The following RABL3 variants were observed in gnomAD, a reference collection of about 807,000 sequenced individuals.
RABL3 encodes rab-like protein 3.
A neutral mutation model predicts 31.8 loss-of-function variants in RABL3; 31 were observed. The observed-to-expected ratio is 0.97, with a 90% confidence interval of 0.73 to 1.31. RABL3 has a LOEUF of 1.31. Ranked by LOEUF, RABL3 falls within the 40% of genes most tolerant of loss-of-function variation. The pLI, the probability that RABL3 is intolerant of heterozygous loss-of-function variation, is 0.00. For missense variants in RABL3, 263 were observed against 279.6 expected, an observed-to-expected ratio of 0.94 and a Z score of 0.42; for synonymous variants, 97 against 99.9, an observed-to-expected ratio of 0.97 and a Z score of 0.18.
intron 2 of RABL3, among the ~76,000 whole-genome samples, chr3:120,730,317 G>T (rs1197754904): frequency 6.6e-6 from 1 of 152,150 alleles, no homozygotes; most frequent in Non-Finnish European, 1.5e-5. Context: ...GAAGCTCCAG[G>T]AGCTTTTGCC....
At chr3:120,703,828 T>G (rs1314612295) in intron 4 of RABL3, among the ~76,000 whole-genome samples, 2 of 152,140 alleles carry the variant, frequency 1.3e-5, no homozygotes, top group Non-Finnish European at 2.9e-5. Flanking sequence ...TGGAATTCCT[T>G]GAAAATCACA....
chr3:120,691,111 G>A (rs1708375224), intron 6 of RABL3, among the ~76,000 whole-genome samples: 1 of 152,126 alleles, frequency 6.6e-6, no homozygotes, highest in Non-Finnish European at 1.5e-5. Context: ...AGCAGCAGAT[G>A]TATCTGCACA....
intron 2 of RABL3, chr3:120,722,744 A>C (rs1055372878): frequency 9.2e-5 from 14 of 152,238 alleles, no homozygotes; most frequent in African/African-American, 3.4e-4. Flanking sequence ...GTTCTTTGAA[A>C]CCAACGAGAA....
At chr3:120,714,853 T>C (rs1397734751) in intron 2 of RABL3, among the ~76,000 whole-genome samples, 4 of 152,216 alleles carry the variant, frequency 2.6e-5, no homozygotes, top group African/African-American at 9.6e-5. Context: ...TGACCCCTCT[T>C]TTCCCATCAA....
intron 1 of RABL3, among the ~76,000 whole-genome samples, chr3:120,732,171 AACAATAAAACAACATAAGCGTCTG>A (rs1344651279): frequency 2.0e-5 from 3 of 152,252 alleles, no homozygotes; most frequent in Non-Finnish European, 2.9e-5. Flanking sequence ...TATACTTAAA[AACAATAAAACAACATAAGCGTCTG>A]CTTCCATAGC....
At chr3:120,700,848 C>G (rs1708484542) in intron 4 of RABL3, among the ~76,000 whole-genome samples, 1 of 151,888 alleles carries the variant, frequency 6.6e-6, no homozygotes, top group East Asian at 1.9e-4. Context: ...GTTCATTTTC[C>G]ATTCTTTGTA....
intron 1 of RABL3, among the ~76,000 whole-genome samples, chr3:120,738,292 C>T (rs934971877): frequency 3.3e-5 from 5 of 152,228 alleles, no homozygotes; most frequent in Non-Finnish European, 5.9e-5. Context: ...GGTGTGGCAC[C>T]CTCTGAGCCA....
intron 2 of RABL3, among the ~76,000 whole-genome samples, chr3:120,720,714 C>A (rs367622283): frequency 1.3e-5 from 2 of 152,188 alleles, no homozygotes; most frequent in Non-Finnish European, 2.9e-5. Flanking sequence ...TCTGACTGGT[C>A]TACCTGAAAG....
chr3:120,711,919 C>T (rs1708617017), intron 2 of RABL3, among the ~76,000 whole-genome samples: 1 of 152,092 alleles, frequency 6.6e-6, no homozygotes. Flanking sequence ...GATTCTACTC[C>T]TTGATTGCCA....
chr3:120,721,955 G>C (rs1274871545), intron 2 of RABL3: 1 of 152,120 alleles, frequency 6.6e-6, no homozygotes, highest in African/African-American at 2.4e-5. Flanking sequence ...AAATGTAAAA[G>C]AACAGAAATT....
In RABL3 at chr3:120,709,842, C is replaced by A; in HGVS notation, c.206G>T (p.Gly69Val). The A allele has an allele frequency of 6.2e-7, 1 of 1,611,612 alleles. No homozygotes were observed. Among genetic ancestry groups the A allele is most frequent in the South Asian group, 1.1e-5 (1 of 91,012 alleles). The change falls in exon 3 of 8, where the codon GGC (glycine) becomes GTC (valine). Residue 69 changes from glycine (G) to valine (V), a missense_variant. Physicochemically the swap from Gly to Val is moderately radical, Grantham distance 109 (BLOSUM62 -3). Transcript: ENST00000273375. ...TYYIELWDVGGSVGSASSVKS... is the reference protein window; with the variant it reads ...TYYIELWDVGVSVGSASSVKS... ...CACGCTGCTGGCACTGCCCACAGAG[C>A]CTCCAACATCCCATAATTCTATGTA...
Position 120,698,150 on chromosome 3 carries a change from C to T in RABL3, c.534+273G>A, listed in dbSNP as rs543110110. Among the ~76,000 whole-genome samples, 9 of 152,168 alleles carry T rather than the reference C, an allele frequency of 5.9e-5. No individual in the cohort carries two copies. The South Asian group carries it at 1.5e-3, about 25-fold the overall frequency. On this transcript the variant is annotated intron_variant, in intron 5 of 7. Coordinates refer to ENST00000273375, the MANE Select transcript of RABL3 (RefSeq NM_173825.5). ...CTGCACTCCAGTCTGGGCGACAGAG[C>T]GAGACTCTGTTTCAAAAAAAGAAGC... is the stretch of plus-strand genomic sequence containing the variant.
intron 2 of RABL3, among the ~76,000 whole-genome samples, chr3:120,728,915 G>T (rs1708852381): frequency 6.6e-6 from 1 of 152,134 alleles, no homozygotes; most frequent in Non-Finnish European, 1.5e-5. Flanking sequence ...TGAGAAGTGG[G>T]AACTGACATA....
At chr3:120,702,671 C>T (rs1708506221) in intron 4 of RABL3, among the ~76,000 whole-genome samples, 1 of 151,872 alleles carries the variant, frequency 6.6e-6, no homozygotes, top group Non-Finnish European at 1.5e-5. Flanking sequence ...CATTCTCCTG[C>T]CTCAGCCTCC....
At chr3:120,709,414 G>A (rs1052642786) in intron 3 of RABL3, among the ~76,000 whole-genome samples, 1 of 151,932 alleles carries the variant, frequency 6.6e-6, no homozygotes, top group African/African-American at 2.4e-5. Context: ...TGTGTTATCT[G>A]GCTTAAGACT....
intron 2 of RABL3, among the ~76,000 whole-genome samples, chr3:120,716,269 C>T (rs892179805): frequency 6.6e-6 from 1 of 152,162 alleles, no homozygotes; most frequent in African/African-American, 2.4e-5. Flanking sequence ...TATTTACTCC[C>T]ATTAGACTTG....
At chr3:120,699,543 T>G (rs141512202) in intron 4 of RABL3, among the ~76,000 whole-genome samples, 1 of 152,292 alleles carries the variant, frequency 6.6e-6, no homozygotes, top group East Asian at 1.9e-4. Context: ...GTCAGCAAAA[T>G]CTGGTTGTGC....
chr3:120,716,923 C>G (rs1708677044), intron 2 of RABL3, among the ~76,000 whole-genome samples: 1 of 152,160 alleles, frequency 6.6e-6, no homozygotes, highest in Non-Finnish European at 1.5e-5. Context: ...ATGCCTTTTA[C>G]TTATGTTATC....
chr3:120,742,447 G>A lies in RABL3; in HGVS notation c.46+15C>T, dbSNP rs369050132. ...AAAAGTGTCTGGAGCCCCAGAGGTAGGGTAAGCCGCTCACCTGAGTCTCCC... is the reference window on the plus strand; with the variant it reads ...AAAAGTGTCTGGAGCCCCAGAGGTAAGGTAAGCCGCTCACCTGAGTCTCCC... On this transcript the variant is annotated intron_variant, in intron 1 of 7. Transcript: ENST00000273375. 6.4e-5 allele frequency: 103 copies of A among 1,613,606 alleles called. No individual in the cohort carries two copies. Among genetic ancestry groups the A allele is most frequent in the Admixed American group, 2.8e-4 (17 of 60,022 alleles).
Sources: allele counts gnomAD v4.1 joint callset (sites outside exome capture counted in the v4.1 genomes callset), GRCh38; gene constraint gnomAD v4.1.1; transcripts MANE v1.5; gene names NCBI Gene and HGNC (gene_info 2026-07-23, HGNC 2026-07-21).